Variants in DENND4A observed in about 807,000 individuals in gnomAD.
DENND4A encodes C-myc promoter-binding protein.
A neutral mutation model predicts 199.3 loss-of-function variants in DENND4A; 70 were observed. The observed-to-expected ratio is 0.35, with a 90% CI of 0.29 to 0.43. The LOEUF (loss-of-function observed/expected upper bound fraction) is 0.43. DENND4A is among the 20% of genes least tolerant of loss of function. The pLI, the probability that DENND4A is intolerant of heterozygous loss-of-function variation, is 1.00. For missense variants in DENND4A, 1,723 were observed against 2,255.8 expected (o/e 0.76, Z 4.78); for synonymous variants, 686 against 766.9 (o/e 0.89, Z 1.74).
At chr15:65,673,433 T>A (rs182635216) in intron 24 of DENND4A, among the ~76,000 whole-genome samples, 59 of 151,460 alleles carry the variant, frequency 3.9e-4, no homozygotes, top group African/African-American at 1.4e-3. Flanking sequence ...ACTCTGCCAC[T>A]GCACTCCAGC....
rs1321829021 is a variant in DENND4A at position 65,668,005 on chromosome 15, C to T, written c.4906G>A (p.Gly1636Ser). 6.2e-7 allele frequency: 1 copy of T among 1,611,868 alleles called. No individual in the cohort carries two copies. Among genetic ancestry groups the T allele is most frequent in the Non-Finnish European group, 8.5e-7 (1 of 1,179,466 alleles). Reference protein sequence around the residue: ...FPMARSISTSGPLDKEDTGRQ... With the variant: ...FPMARSISTSSPLDKEDTGRQ... ...CCAGTATCTTCCTTATCCAAGGGGC[C>T]AGAAGTACTAATACTCCTGGCCATT... is the stretch of plus-strand genomic sequence containing the variant. The change falls in exon 28 of 33, where the codon GGC becomes AGC. Residue 1636 changes from glycine to serine, a missense_variant. Physicochemically the swap from Gly to Ser is moderately conservative, Grantham distance 56 (BLOSUM62 0). Transcript: ENST00000443035.
Position 65,772,154 on chromosome 15 carries a change from C to T in DENND4A, c.-101-10716G>A, listed in dbSNP as rs535489081. ...TGTTCCCCTCCATAGCTTGCTCCTT[C>T]GATTTTATTTTCAATTACATTAGCA... is the stretch of plus-strand genomic sequence containing the variant. On this transcript the variant is annotated intron_variant, in intron 1 of 32. Transcript: ENST00000443035. 9.5e-5 allele frequency: 69 copies of T among 725,400 alleles called. No individual in the cohort carries two copies. The South Asian group carries it at 1.1e-3, about 11-fold the overall frequency. The allele number at this position is 725,400 out of a possible 1,614,324, so 44.9% of individuals were successfully genotyped here.
At chr15:65,747,028 C>T (rs2076420218) in intron 4 of DENND4A, among the ~76,000 whole-genome samples, 2 of 151,542 alleles carry the variant, frequency 1.3e-5, no homozygotes, top group Non-Finnish European at 2.9e-5. Context: ...ATCACTTGAA[C>T]CCAGGAGGTG....
chr15:65,755,840 T>G (rs2076687403), intron 3 of DENND4A, among the ~76,000 whole-genome samples: 1 of 152,162 alleles, frequency 6.6e-6, no homozygotes, highest in Non-Finnish European at 1.5e-5. Context: ...TTAAAAATAA[T>G]CAAAAATTTT....
chr15:65,751,820 G>T (rs547607729), intron 4 of DENND4A, among the ~76,000 whole-genome samples: 1 of 152,228 alleles, frequency 6.6e-6, no homozygotes, highest in East Asian at 1.9e-4. Context: ...GAGACAAAAG[G>T]CTGACTGGAA....
intron 4 of DENND4A, among the ~76,000 whole-genome samples, chr15:65,742,394 A>C (rs2076281828): frequency 6.6e-6 from 1 of 150,380 alleles, no homozygotes; most frequent in Admixed American, 6.6e-5. Flanking sequence ...AGTGATTCTC[A>C]TGCCTCAGTC....
chr15:65,766,370 C>A lies in DENND4A; in HGVS notation c.-101-4932G>T, dbSNP rs2076987220. On this transcript the variant is annotated intron_variant, in intron 1 of 32. Transcript: ENST00000443035. ...AGGCATCCAGAACATTATACTTGAA[C>A]ATAATTAAACAAACATATAAATACA... 2.0e-5 allele frequency: 3 copies of A among 151,936 alleles called. No individual in the cohort carries two copies. In the South Asian group the frequency reaches 6.2e-4, roughly 32 times the overall value. The allele number at this position is 151,936 out of a possible 1,614,324, so 9.4% of individuals were successfully genotyped here. A position where few individuals can be genotyped will look rare whatever the true frequency, so the allele number is the denominator to read the frequency against.
chr15:65,686,542 G>A (rs1267699933), intron 23 of DENND4A, among the ~76,000 whole-genome samples: 1 of 152,092 alleles, frequency 6.6e-6, no homozygotes, highest in South Asian at 2.1e-4. Flanking sequence ...TAATTATTGT[G>A]TCTTCCTGAT....
intron 11 of DENND4A, among the ~76,000 whole-genome samples, chr15:65,727,206 A>T (rs547972256): frequency 2.0e-5 from 3 of 151,226 alleles, no homozygotes; most frequent in African/African-American, 7.3e-5. Context: ...TAATCTCAGC[A>T]CTTTGGGAGG....
intron 22 of DENND4A, among the ~76,000 whole-genome samples, chr15:65,692,579 A>G (rs146803132): frequency 6.6e-6 from 1 of 152,344 alleles, no homozygotes; most frequent in Non-Finnish European, 1.5e-5. Context: ...AAGAGTGGAT[A>G]CTAGAGGTCA....
chr15:65,758,859 C>T (rs145936188), intron 2 of DENND4A, among the ~76,000 whole-genome samples: 4,611 of 151,996 alleles, frequency 0.03, 91 homozygotes, highest in Non-Finnish European at 0.046. Flanking sequence ...TAAAGGCAGC[C>T]GATAAACTTT....
intron 1 of DENND4A, among the ~76,000 whole-genome samples, chr15:65,787,968 C>A (rs1470055113): frequency 6.6e-6 from 1 of 152,108 alleles, no homozygotes; most frequent in African/African-American, 2.4e-5. Context: ...ACTGTCAACA[C>A]AGAACAGCTT....
chr15:65,787,966 C>T (rs761028860), intron 1 of DENND4A, among the ~76,000 whole-genome samples: 8 of 152,078 alleles, frequency 5.3e-5, no homozygotes, highest in Non-Finnish European at 1.0e-4. Context: ...GCACTGTCAA[C>T]ACAGAACAGC....
chr15:65,750,420 C>CT (rs1486510725), intron 4 of DENND4A, among the ~76,000 whole-genome samples: 1 of 151,826 alleles, frequency 6.6e-6, no homozygotes, highest in African/African-American at 2.4e-5. Context: ...CAATCACACC[C>CT]TAAACCTCAG....
At chr15:65,703,504 T>C (rs745911459) in intron 15 of DENND4A, among the ~76,000 whole-genome samples, 1 of 152,224 alleles carries the variant, frequency 6.6e-6, no homozygotes, top group Non-Finnish European at 1.5e-5. Flanking sequence ...GGCCTTGCTC[T>C]CACATTCTCA....
At chr15:65,756,018 A>T (rs1378447512) in intron 3 of DENND4A, 122 bp downstream of exon 3, 1 of 865,150 alleles carries the variant, frequency 1.2e-6, no homozygotes, top group Non-Finnish European at 1.7e-6. Flanking sequence ...CTGAATACAA[A>T]CTTGTGTATT....
Position 65,772,401 on chromosome 15 carries a change from T to C in DENND4A, c.-101-10963A>G, listed in dbSNP as rs77307648. ...AAAGGCTGGATGTCCGAACCAATCA[T>C]GAAAGCAGAAAAAGACCAGATATTT... On this transcript the variant is annotated intron_variant, in intron 1 of 32. Coordinates refer to ENST00000443035, the MANE Select transcript of DENND4A (RefSeq NM_001320835.1). Among the ~76,000 whole-genome samples the C allele has an allele frequency of 7.2e-3, 1,098 of 152,118 alleles. 15 individuals are homozygous for C. Among genetic ancestry groups the C allele is most frequent in the African/African-American group, 0.025 (1,033 of 41,500 alleles).
chr15:65,764,731 T>C (rs1318258139), intron 1 of DENND4A, among the ~76,000 whole-genome samples: 1 of 152,060 alleles, frequency 6.6e-6, no homozygotes, highest in East Asian at 1.9e-4. Context: ...CCCAGCACTC[T>C]GGGAGACCGA....
chr15:65,713,741 A>G (rs903076507), intron 14 of DENND4A, among the ~76,000 whole-genome samples: 1 of 152,156 alleles, frequency 6.6e-6, no homozygotes, highest in Non-Finnish European at 1.5e-5. Context: ...TCATTCTTAG[A>G]GCAATTCTTG....
Sources: gnomAD v4.1 joint callset for allele counts (sites outside exome capture counted in the v4.1 genomes callset) on GRCh38, gnomAD v4.1.1 for gene constraint, MANE v1.5 for transcripts, NCBI Gene and HGNC (gene_info 2026-07-23, HGNC 2026-07-21) for gene names.